Variants in DYRK1B observed in about 807,000 individuals in gnomAD.
DYRK1B encodes the protein dual specificity tyrosine phosphorylation regulated kinase 1B, also known as dual specificity tyrosine-phosphorylation-regulated kinase 1B.
A neutral mutation model predicts 57.1 loss-of-function variants in DYRK1B; 20 were observed. That is an observed-to-expected ratio of 0.35 (90% confidence interval 0.25 to 0.51). DYRK1B has a LOEUF of 0.51. Ranked by LOEUF, DYRK1B falls within the 20% of genes least tolerant of loss-of-function variation. The pLI is 0.96. For synonymous variants in DYRK1B, 409 were observed against 384.7 expected, an observed-to-expected ratio of 1.06 and a Z score of -0.74; for missense variants, 732 against 886.3, an observed-to-expected ratio of 0.83 and a Z score of 2.21.
chr19:39,831,981 AG>A lies in DYRK1B; in HGVS notation c.-101-14del. The A allele has an allele frequency of 7.0e-7, 1 of 1,420,296 alleles. No individual in the cohort carries two copies. The highest frequency in any genetic ancestry group is 1.5e-5 in the African/African-American group (1 of 68,650). 88.0% of individuals were successfully genotyped at this position (1,420,296 alleles called of 1,614,324 possible). A position where few individuals can be genotyped will look rare whatever the true frequency, so the allele number is the denominator to read the frequency against. On this transcript the variant is annotated splice_polypyrimidine_tract_variant and intron_variant, in intron 1 of 10. Transcript: ENST00000323039. ...CCGCCGCTGAGACCTGAGAGCAGAC[AG>A]GAAGTGGGAAAACAACATGGAACAA... is the stretch of plus-strand genomic sequence containing the variant.
In DYRK1B at chr19:39,826,613, C is replaced by G. The variant is rs1304121011; in HGVS notation, c.1411+59G>C. On this transcript the variant is annotated intron_variant, in intron 9 of 10. Coordinates refer to ENST00000323039, the MANE Select transcript of DYRK1B (RefSeq NM_004714.3). The surrounding 1 kb of genome is among the most constrained non-coding windows in gnomAD (Gnocchi z 6.3). ...GACCCAGTAACCAGGTCCCCCAGGA[C>G]AGGCCAAACCTGAGCAGCCCCCACC... The G allele has an allele frequency of 2.7e-6, 4 of 1,478,520 alleles. No homozygotes were observed. Among genetic ancestry groups the G allele is most frequent in the Non-Finnish European group, 3.6e-6 (4 of 1,112,884 alleles). The allele number at this position is 1,478,520 out of a possible 1,614,324, so 91.6% of individuals were successfully genotyped here.
At position 39,825,694 on chromosome 19, in the gene DYRK1B, G is replaced by A; in HGVS notation, c.*21C>T. On this transcript the variant is annotated 3_prime_UTR_variant, in exon 11 of 11. Transcript: ENST00000323039. ...TGGGGGAGGGTATGGCTTCAGGAGGGGCCCCAGGGAGGGGGCAGGGTCACG... is the reference window on the plus strand; with the variant it reads ...TGGGGGAGGGTATGGCTTCAGGAGGAGCCCCAGGGAGGGGGCAGGGTCACG... The A allele has an allele frequency of 6.5e-7, 1 of 1,541,226 alleles. No homozygotes were observed. Among genetic ancestry groups the A allele is most frequent in the Non-Finnish European group, 8.7e-7 (1 of 1,144,878 alleles).
At position 39,828,616 on chromosome 19, in the gene DYRK1B, G is replaced by T; in HGVS notation, c.521-33C>A. ...GGAGGGGAGGAAATGGGCCAGAGAA[G>T]AAACGGCTCAGAGAGGGCAGGTGGT... On this transcript the variant is annotated intron_variant, in intron 5 of 10. Transcript: ENST00000323039. The surrounding 1 kb of genome is among the most constrained non-coding windows in gnomAD (Gnocchi z 4.3). The T allele has an allele frequency of 6.3e-7, 1 of 1,587,022 alleles. No individual in the cohort carries two copies. The highest frequency in any genetic ancestry group is 1.1e-5 in the South Asian group (1 of 87,890).
chr19:39,830,101 G>A (rs904066900), intron 4 of DYRK1B, 74 bp from the exon 5 acceptor site: 3 of 1,561,382 alleles, frequency 1.9e-6, no homozygotes, highest in African/African-American at 2.7e-5. Flanking sequence ...TCTCCCTCCA[G>A]GCAAGGAGAC....
rs759459524 is a variant in DYRK1B at position 39,830,526 on chromosome 19, G to A, written c.221C>T (p.Ala74Val). ...CTTGTTGCTCGAATCCTGGGGTGGC[G>A]CCTGCTGGGCCCGCCGCTTCTTCTT... is the stretch of plus-strand genomic sequence containing the variant. Reference protein sequence around the residue: ...YAKKKRRAQQAPPQDSSNKKE... With the variant: ...YAKKKRRAQQVPPQDSSNKKE... Residue 74 changes from alanine to valine, a missense_variant, in exon 4 of 11, where the codon GCG (alanine) becomes GTG (valine). Coordinates refer to ENST00000323039, the MANE Select transcript of DYRK1B (RefSeq NM_004714.3). 14 of 1,613,910 alleles carry A rather than the reference G, an allele frequency of 8.7e-6. No individual in the cohort carries two copies. The Middle Eastern group carries it at 4.9e-4, about 57-fold the overall frequency.
rs747810492 is a variant in DYRK1B, at chr19:39,830,402, C to A, written c.345G>T (p.Ser115=). Reference sequence around the variant, plus strand: ...GGCCAAAGGAGCCTTTGCCAATGAGCGAGTCAATTTCGTAGCGCTCCAGCC... The same window carrying A: ...GGCCAAAGGAGCCTTTGCCAATGAGAGAGTCAATTTCGTAGCGCTCCAGCC... ...ERWLERYEID[S]LIGKGSFGQV... The change falls in exon 4 of 11, where the codon TCG becomes TCT. Residue 115 remains serine (S), a synonymous_variant. Coordinates refer to ENST00000323039, the MANE Select transcript of DYRK1B (RefSeq NM_004714.3). The A allele has an allele frequency of 3.1e-6, 5 of 1,614,102 alleles. No individual in the cohort carries two copies. The East Asian group carries it at 1.1e-4, about 36-fold the overall frequency.
Position 39,826,036 on chromosome 19 carries a change from G to C in DYRK1B, c.1569C>G (p.His523Gln). 6.6e-7 allele frequency: 1 copy of C among 1,520,636 alleles called. No individual in the cohort carries two copies. The highest frequency in any genetic ancestry group is 8.8e-7 in the Non-Finnish European group (1 of 1,137,428). The allele number at this position is 1,520,636 out of a possible 1,614,324, so 94.2% of individuals were successfully genotyped here. Residue 523 changes from histidine to glutamine, a missense_variant, in exon 11 of 11, where the codon CAC becomes CAG. His to Gln is a conservative substitution (Grantham distance 24, BLOSUM62 0). Transcript: ENST00000323039. The surrounding 1 kb of genome is among the most constrained non-coding windows in gnomAD (Gnocchi z 6.3). ...LRPWAGGDVPHKTHQAPASAS... is the reference protein window; with the variant it reads ...LRPWAGGDVPQKTHQAPASAS... ...CAGAGGCAGGGGCTTGATGTGTCTT[G>C]TGGGGCACATCACCCCCTGCCCAGG...
chr19:39,830,424 A>G lies in DYRK1B; in HGVS notation c.323T>C (p.Leu108Pro). The G allele has an allele frequency of 1.2e-6, 2 of 1,614,212 alleles. No individual in the cohort carries two copies. The highest frequency in any genetic ancestry group is 1.7e-6 in the Non-Finnish European group (2 of 1,180,040). The stretch of plus-strand genomic sequence containing the variant: ...GAGCGAGTCAATTTCGTAGCGCTCC[A>G]GCCAGCGCTCGCCACTGCGCACGAT... The part of the protein sequence containing the change: ...DYIVRSGERW[L>P]ERYEIDSLIG... The change falls in exon 4 of 11, where the codon CTG becomes CCG. Residue 108 changes from leucine to proline, a missense_variant. By Grantham distance (98) the Leu-to-Pro change is moderately conservative. This residue lies in a region of DYRK1B where 510 missense variants were observed against 681.3 expected (regional missense o/e 0.75). Coordinates refer to ENST00000323039, the MANE Select transcript of DYRK1B (RefSeq NM_004714.3).
chr19:39,826,651 T>C lies in DYRK1B; in HGVS notation c.1411+21A>G. 6.3e-7 allele frequency: 1 copy of C among 1,575,018 alleles called. No homozygotes were observed. The highest frequency in any genetic ancestry group is 8.6e-7 in the Non-Finnish European group (1 of 1,162,932). On this transcript the variant is annotated intron_variant, in intron 9 of 10. Transcript: ENST00000323039. This position sits in a 1 kb window ranked among gnomAD's most constrained non-coding sequence, Gnocchi z 6.3. ...AGCAGCCCCCACCCGTTGTACCCCATTTGGGCACCTGGGCACCCACCAGAA... is the reference window on the plus strand; with the variant it reads ...AGCAGCCCCCACCCGTTGTACCCCACTTGGGCACCTGGGCACCCACCAGAA...
At chr19:39,833,091 C>T (rs1438727268) in intron 1 of DYRK1B, 22 of 985,298 alleles carry the variant, frequency 2.2e-5, no homozygotes, top group Admixed American at 6.1e-5. Flanking sequence ...GAGTTGTCAG[C>T]TACAGCAAAA....
intron 1 of DYRK1B, among the ~76,000 whole-genome samples, chr19:39,832,772 C>T (rs920731870): frequency 2.6e-5 from 4 of 152,070 alleles, no homozygotes; most frequent in Non-Finnish European, 5.9e-5. Context: ...CTCCCTGTAC[C>T]ATATCCCAAT....
Position 39,830,702 on chromosome 19 carries a change from A to T in DYRK1B, c.145T>A (p.Ser49Thr), listed in dbSNP as rs1156993400. 1.2e-6 allele frequency: 2 copies of T among 1,614,032 alleles called. No homozygotes were observed. Among genetic ancestry groups the T allele is most frequent in the African/African-American group, 2.7e-5 (2 of 74,912 alleles). ...TTGTAGGTCTTGATGAGGTCCACAG[A>T]GAGCTTACGCAGCGGGGCTGAGGTT... is the stretch of plus-strand genomic sequence containing the variant. The part of the protein sequence containing the change: ...DATSAPLRKL[S>T]VDLIKTYKHI... The change falls in exon 3 of 11, where the codon TCT (serine) becomes ACT (threonine). Residue 49 changes from serine (S) to threonine (T), a missense_variant. Around this residue, in one of 2 missense-constraint regions of DYRK1B, gnomAD observed 510 missense variants for 681.3 expected, o/e 0.75. Transcript: ENST00000323039.
At position 39,827,378 on chromosome 19, in the gene DYRK1B, G is replaced by T. The variant is rs146996483; in HGVS notation, c.1002C>A (p.Ala334=). The change falls in exon 8 of 11, where the codon GCC becomes GCA. Residue 334 remains alanine (A), a synonymous_variant. Coordinates refer to ENST00000323039, the MANE Select transcript of DYRK1B (RefSeq NM_004714.3). ...RIVEVLGIPP[A]AMLDQAPKAR... Reference sequence around the variant, plus strand: ...CCTTGGGCGCCTGGTCCAGCATGGCGGCCGGTGGGATGCCCAGCACCTCCA... The same window carrying T: ...CCTTGGGCGCCTGGTCCAGCATGGCTGCCGGTGGGATGCCCAGCACCTCCA... The T allele has an allele frequency of 1.9e-6, 3 of 1,613,730 alleles. No homozygotes were observed. The South Asian group carries it at 3.3e-5, about 18-fold the overall frequency.
Position 39,826,760 on chromosome 19 carries a change from C to G in DYRK1B, c.1323G>C (p.Thr441=), listed in dbSNP as rs761145549. The change falls in exon 9 of 11, where the codon ACG becomes ACC. Residue 441 remains threonine, a synonymous_variant. Transcript: ENST00000323039. This position sits in a 1 kb window ranked among gnomAD's most constrained non-coding sequence, Gnocchi z 6.3. ...FRRTADEATN[T]GPAGSSASTS... The stretch of plus-strand genomic sequence containing the variant: ...TGGAGGCACTGCTGCCTGCCGGGCC[C>G]GTGTTGGTGGCCTCGTCGGCCGTGC... The G allele has an allele frequency of 6.3e-7, 1 of 1,586,168 alleles. No individual in the cohort carries two copies. Among genetic ancestry groups the G allele is most frequent in the Non-Finnish European group, 8.6e-7 (1 of 1,168,098 alleles).
chr19:39,830,297 C>A, intron 4 of DYRK1B, 78 bp downstream of exon 4: 1 of 1,576,246 alleles, frequency 6.3e-7, no homozygotes. Flanking sequence ...CAGCATGGGA[C>A]TTGAAGCCAC....
Position 39,828,001 on chromosome 19 carries a change from C to T in DYRK1B, c.807+296G>A, listed in dbSNP as rs562051060. On this transcript the variant is annotated intron_variant, in intron 6 of 10. Coordinates refer to ENST00000323039, the MANE Select transcript of DYRK1B (RefSeq NM_004714.3). This position sits in a 1 kb window ranked among gnomAD's most constrained non-coding sequence, Gnocchi z 4.3. ...CTGCAAAGTTGAAGCCTTCCACCTCCATCCTCAGCTTTAAGAACAGAGAAG... is the reference window on the plus strand; with the variant it reads ...CTGCAAAGTTGAAGCCTTCCACCTCTATCCTCAGCTTTAAGAACAGAGAAG... Among the ~76,000 whole-genome samples the T allele has an allele frequency of 3.3e-5, 5 of 152,262 alleles. No individual in the cohort carries two copies. The highest frequency in any genetic ancestry group is 7.2e-5 in the African/African-American group (3 of 41,530).
intron 1 of DYRK1B, chr19:39,833,329 G>C (rs1968914381): frequency 1.0e-6 from 1 of 985,608 alleles, no homozygotes; most frequent in Non-Finnish European, 1.2e-6. Flanking sequence ...CCAGTGGGGT[G>C]GGCGAGCGGC....
In DYRK1B at chr19:39,827,324, C is replaced by T; in HGVS notation, c.1056G>A (p.Gly352=). 4 of 1,613,676 alleles carry T rather than the reference C, an allele frequency of 2.5e-6. No individual in the cohort carries two copies. The highest frequency in any genetic ancestry group is 3.4e-6 in the Non-Finnish European group (4 of 1,179,702). Residue 352 remains glycine, a synonymous_variant, in exon 8 of 11, where the codon GGG becomes GGA. Coordinates refer to ENST00000323039, the MANE Select transcript of DYRK1B (RefSeq NM_004714.3). The part of the protein sequence containing the change: ...KARKYFERLP[G]GGWTLRRTKE... Reference sequence around the variant, plus strand: ...TCGTCCTTCGTAGGGTCCAGCCACCCCCAGGCAGCCGTTCAAAGTACTTGC... The same window carrying T: ...TCGTCCTTCGTAGGGTCCAGCCACCTCCAGGCAGCCGTTCAAAGTACTTGC...
rs765464654 is a variant in DYRK1B, at chr19:39,828,283, G to A, written c.807+14C>T. On this transcript the variant is annotated intron_variant, in intron 6 of 10. Transcript: ENST00000323039. This position sits in a 1 kb window ranked among gnomAD's most constrained non-coding sequence, Gnocchi z 4.3. ...AACTACTAGCCGTGCTCCCAGGACC[G>A]GGCCGCCCCCTACCCTCTGGCCAAG... 1.2e-5 allele frequency: 19 copies of A among 1,612,526 alleles called. No homozygotes were observed. The highest frequency in any genetic ancestry group is 5.0e-5 in the Admixed American group (3 of 59,964).
Sources: allele counts gnomAD v4.1 joint callset (sites outside exome capture counted in the v4.1 genomes callset), GRCh38; gene constraint gnomAD v4.1.1; regional missense constraint gnomAD v4.1.1; non-coding constraint Gnocchi (gnomAD v3.1); transcripts MANE v1.5; gene names NCBI Gene and HGNC (gene_info 2026-07-23, HGNC 2026-07-21).